Variants in SCTR observed in about 807,000 individuals in gnomAD.
The protein encoded by SCTR is secretin receptor.
SCTR carries 56 observed loss-of-function variants against 60.8 expected under a neutral mutation model. The ratio of observed to expected loss-of-function variants is 0.92; its 90% CI spans 0.74 to 1.15. SCTR has a LOEUF of 1.15. Among genes scored for constraint, SCTR ranks in the 50% most tolerant of loss-of-function variants. The pLI is 0.00. For synonymous variants in SCTR, 202 were observed against 217.0 expected (o/e 0.93, Z 0.61); for missense variants, 562 against 550.4 (o/e 1.02, Z -0.21).
At chr2:119,494,622 G>A (rs930436209) in intron 1 of SCTR, 74 bp from the exon 2 acceptor site, 22 of 1,490,374 alleles carry the variant, frequency 1.5e-5, no homozygotes, top group Non-Finnish European at 2.0e-5. Context: ...AATGGGGCAA[G>A]ACAATGCAGA....
intron 9 of SCTR, among the ~76,000 whole-genome samples, chr2:119,450,078 A>T (rs367916019): frequency 4.5e-4 from 66 of 145,186 alleles, no homozygotes; most frequent in Middle Eastern, 6.9e-3. Flanking sequence ...GAAAGAAAGA[A>T]AAATAAATAA....
intron 9 of SCTR, among the ~76,000 whole-genome samples, chr2:119,450,114 GGGAAGGAAGGAAA>G (rs1465023838): frequency 4.8e-5 from 7 of 146,912 alleles, no homozygotes; most frequent in South Asian, 4.3e-4. Flanking sequence ...AATGGAGGGA[GGGAAGGAAGGAAA>G]GGAAGGAAGG....
chr2:119,516,922 C>T (rs973813183), intron 1 of SCTR, among the ~76,000 whole-genome samples: 13 of 152,200 alleles, frequency 8.5e-5, no homozygotes, highest in South Asian at 4.1e-4. Context: ...GAGCTGAGAT[C>T]GCACCATTGC....
chr2:119,524,303 C>G lies in SCTR; in HGVS notation c.-77G>C, dbSNP rs1007185362. 2 of 1,013,898 alleles carry G rather than the reference C, an allele frequency of 2.0e-6. No individual in the cohort carries two copies. The highest frequency in any genetic ancestry group is 3.4e-5 in the African/African-American group (2 of 58,446). 62.8% of individuals were successfully genotyped at this position (1,013,898 alleles called of 1,614,324 possible). On this transcript the variant is annotated 5_prime_UTR_variant, in exon 1 of 13. Transcript: ENST00000019103. ...CTGCCCGCTCGGGAGCTCAGCGCCCCGCGCAGGGTCCCGGGCTCCGGCCGG... is the reference window on the plus strand; with the variant it reads ...CTGCCCGCTCGGGAGCTCAGCGCCCGGCGCAGGGTCCCGGGCTCCGGCCGG...
chr2:119,469,165 A>G (rs1676869908), intron 4 of SCTR, among the ~76,000 whole-genome samples: 1 of 152,158 alleles, frequency 6.6e-6, no homozygotes, highest in African/African-American at 2.4e-5. Flanking sequence ...GACATCAAAG[A>G]CCTGTGAAAT....
chr2:119,477,513 C>T (rs1414452135), intron 3 of SCTR, among the ~76,000 whole-genome samples: 3 of 152,122 alleles, frequency 2.0e-5, no homozygotes, highest in East Asian at 1.9e-4. Flanking sequence ...TGCAGTGGCA[C>T]GAGCTCAGCT....
chr2:119,443,950 A>G (rs1441517672), intron 11 of SCTR, among the ~76,000 whole-genome samples: 1 of 152,154 alleles, frequency 6.6e-6, no homozygotes, highest in Non-Finnish European at 1.5e-5. Flanking sequence ...AACTCTTTGA[A>G]GATGAAATAA....
chr2:119,465,828 A>C lies in SCTR; in HGVS notation c.464T>G (p.Val155Gly). 6.2e-7 allele frequency: 1 copy of C among 1,614,030 alleles called. No individual in the cohort carries two copies. Among genetic ancestry groups the C allele is most frequent in the Non-Finnish European group, 8.5e-7 (1 of 1,179,936 alleles). The change falls in exon 5 of 13, where the codon GTC becomes GGC. Residue 155 changes from valine (V) to glycine (G), a missense_variant. By Grantham distance (109) the Val-to-Gly change is moderately radical (BLOSUM62 -3). Coordinates refer to ENST00000019103, the MANE Select transcript of SCTR (RefSeq NM_002980.3). ...MYTVGYSSSLVMLLVALGILC... is the reference protein window; with the variant it reads ...MYTVGYSSSLGMLLVALGILC... ...GATGCCAAGGGCGACCAGGAGCATG[A>C]CCAGGGAGGAGCTGTAGCCCACGGT... is the stretch of plus-strand genomic sequence containing the variant.
At chr2:119,440,290 AGAGGACAGTTCTGTGCCTG>A (rs754677678) in intron 12 of SCTR, 33 bp from the exon 13 acceptor site, 3 of 1,600,046 alleles carry the variant, frequency 1.9e-6, no homozygotes, top group Non-Finnish European at 2.6e-6. Context: ...GCCCAGGAGG[AGAGGACAGTTCTGTGCCTG>A]GAGCCCTGCT....
intron 1 of SCTR, among the ~76,000 whole-genome samples, chr2:119,521,991 C>G (rs1221446056): frequency 6.6e-6 from 1 of 152,166 alleles, no homozygotes; most frequent in African/African-American, 2.4e-5. Context: ...GGCAGTAATG[C>G]ACATTTGAAA....
At chr2:119,472,816 A>G (rs1389663972) in intron 4 of SCTR, among the ~76,000 whole-genome samples, 5 of 152,000 alleles carry the variant, frequency 3.3e-5, no homozygotes, top group Non-Finnish European at 7.4e-5. Context: ...TAATTTTTAA[A>G]CATTTTTTGT....
intron 3 of SCTR, among the ~76,000 whole-genome samples, chr2:119,475,201 G>T (rs2104836588): frequency 6.6e-6 from 1 of 152,344 alleles, no homozygotes; most frequent in East Asian, 1.9e-4. Context: ...TGAATCAAGA[G>T]AGTTAGGTTG....
At chr2:119,475,884 AG>A (rs1198327918) in intron 3 of SCTR, among the ~76,000 whole-genome samples, 2 of 151,936 alleles carry the variant, frequency 1.3e-5, no homozygotes, top group Non-Finnish European at 2.9e-5. Flanking sequence ...AAGAGGGCCA[AG>A]GGGATGCCGC....
intron 1 of SCTR, among the ~76,000 whole-genome samples, chr2:119,500,062 A>T (rs567029803): frequency 6.6e-6 from 1 of 152,342 alleles, no homozygotes; most frequent in Non-Finnish European, 1.5e-5. Context: ...TTTTCTCAAA[A>T]GAAGACATAC....
chr2:119,450,990 G>T (rs1683143202), intron 9 of SCTR, among the ~76,000 whole-genome samples: 2 of 152,146 alleles, frequency 1.3e-5, no homozygotes, highest in Non-Finnish European at 2.9e-5. Context: ...CAAACATTTT[G>T]TATTTTGCAT....
At chr2:119,519,611 C>A (rs1402179366) in intron 1 of SCTR, among the ~76,000 whole-genome samples, 1 of 151,392 alleles carries the variant, frequency 6.6e-6, no homozygotes, top group Non-Finnish European at 1.5e-5. Flanking sequence ...TCAAGACAAG[C>A]CTGGCCAATG....
At chr2:119,468,644 G>T (rs2104817530) in intron 4 of SCTR, among the ~76,000 whole-genome samples, 1 of 152,334 alleles carries the variant, frequency 6.6e-6, no homozygotes, top group Middle Eastern at 3.4e-3. Context: ...GTTTGAGATG[G>T]TAGGAAGTCT....
intron 11 of SCTR, among the ~76,000 whole-genome samples, chr2:119,444,457 A>C (rs571353562): frequency 1.6e-5 from 2 of 121,400 alleles, no homozygotes; most frequent in East Asian, 4.6e-4. Context: ...ACGTACGTAT[A>C]TATATACACA....
At chr2:119,520,780 C>T (rs912195199) in intron 1 of SCTR, among the ~76,000 whole-genome samples, 1 of 152,180 alleles carries the variant, frequency 6.6e-6, no homozygotes, top group East Asian at 1.9e-4. Flanking sequence ...TTTCATCAGG[C>T]ACACCTGTTT....
Sources: gnomAD v4.1 joint callset for allele counts (sites outside exome capture counted in the v4.1 genomes callset) on GRCh38, gnomAD v4.1.1 for gene constraint, MANE v1.5 for transcripts, NCBI Gene and HGNC (gene_info 2026-07-23, HGNC 2026-07-21) for gene names.